Variants in DYM observed in about 807,000 individuals in gnomAD.
DYM encodes dyggve-Melchior-Clausen syndrome protein.
DYM carries 78 observed loss-of-function variants against 93.1 expected under a neutral mutation model. That is an observed-to-expected ratio of 0.84 (90% CI 0.70 to 1.01). The LOEUF (loss-of-function observed/expected upper bound fraction) is 1.01, where lower values mean the gene tolerates loss of function less well. Among genes scored for constraint, DYM ranks in the 50% least tolerant of loss-of-function variants. The probability of loss-of-function intolerance (pLI) is 0.00; values close to 1 mark genes in which losing one functional copy is unlikely to be tolerated. For synonymous variants in DYM, 321 were observed against 319.7 expected, an observed-to-expected ratio of 1.00 and a Z score of -0.04; for missense variants, 789 against 845.0, an observed-to-expected ratio of 0.93 and a Z score of 0.82.
At chr18:49,296,588 T>A (rs1157506342) in intron 8 of DYM, among the ~76,000 whole-genome samples, 1 of 152,002 alleles carries the variant, frequency 6.6e-6, no homozygotes, top group East Asian at 1.9e-4. Context: ...TACCTAAATG[T>A]CATGACTATT....
intron 1 of DYM, among the ~76,000 whole-genome samples, chr18:49,430,722 T>G (rs972127601): frequency 6.6e-6 from 1 of 151,882 alleles, no homozygotes; most frequent in African/African-American, 2.4e-5. Flanking sequence ...CCGTCTCTAC[T>G]AAAAATACAA....
At chr18:49,198,511 CA>C (rs2091697000) in intron 14 of DYM, among the ~76,000 whole-genome samples, 1 of 152,142 alleles carries the variant, frequency 6.6e-6, no homozygotes. Context: ...CCAAAATCTA[CA>C]AAGAACTCAA....
chr18:49,414,429 T>A (rs796263682), intron 2 of DYM, among the ~76,000 whole-genome samples: 12 of 152,288 alleles, frequency 7.9e-5, no homozygotes, highest in African/African-American at 2.9e-4. Flanking sequence ...TATTATAGGA[T>A]AGTTAGTAAA....
chr18:49,182,743 T>C (rs2090048271), intron 14 of DYM, among the ~76,000 whole-genome samples: 2 of 152,188 alleles, frequency 1.3e-5, no homozygotes, highest in African/African-American at 4.8e-5. Context: ...TGTTGGCTTA[T>C]TAGCTATAAT....
chr18:49,445,918 A>G (rs1308444020), intron 1 of DYM, among the ~76,000 whole-genome samples: 1 of 152,226 alleles, frequency 6.6e-6, no homozygotes, highest in Non-Finnish European at 1.5e-5. Context: ...TTATGTAGTC[A>G]TAATAATATA....
chr18:49,430,175 T>C (rs1222347480), intron 2 of DYM, 80 bp downstream of exon 2: 4 of 1,366,294 alleles, frequency 2.9e-6, no homozygotes, highest in African/African-American at 2.9e-5. Context: ...AGAACATTTC[T>C]AAATTTTTTT....
chr18:49,109,133 T>C (rs1293651077), intron 16 of DYM, among the ~76,000 whole-genome samples: 1 of 152,174 alleles, frequency 6.6e-6, no homozygotes, highest in African/African-American at 2.4e-5. Flanking sequence ...AGACAGCACA[T>C]AGTTAGGTCT....
intron 6 of DYM, among the ~76,000 whole-genome samples, chr18:49,350,482 C>T (rs560965147): frequency 3.8e-4 from 58 of 152,058 alleles, no homozygotes; most frequent in African/African-American, 1.2e-3. Flanking sequence ...CCAAGGTGGG[C>T]GGATCACGAG....
chr18:49,306,018 C>T (rs971432179), intron 8 of DYM, among the ~76,000 whole-genome samples: 4 of 152,176 alleles, frequency 2.6e-5, no homozygotes, highest in African/African-American at 9.7e-5. Flanking sequence ...ATAACTCACA[C>T]ATTAGAAAAT....
intron 6 of DYM, among the ~76,000 whole-genome samples, chr18:49,348,652 TAATCCCAGCA>T (rs2064830244): frequency 6.6e-6 from 1 of 151,988 alleles, no homozygotes; most frequent in African/African-American, 2.4e-5. Flanking sequence ...CTCACGCCTG[TAATCCCAGCA>T]CTTTGGGAGG....
At chr18:49,081,944 T>G (rs939420751) in intron 17 of DYM, among the ~76,000 whole-genome samples, 2 of 152,230 alleles carry the variant, frequency 1.3e-5, no homozygotes, top group African/African-American at 4.8e-5. Context: ...TGCACCCTCT[T>G]CATGAGAGTC....
At chr18:49,096,075 C>A (rs1461550030) in intron 17 of DYM, among the ~76,000 whole-genome samples, 1 of 152,154 alleles carries the variant, frequency 6.6e-6, no homozygotes, top group East Asian at 1.9e-4. Context: ...AACCAACCAA[C>A]AAACCAAGGT....
intron 2 of DYM, among the ~76,000 whole-genome samples, chr18:49,395,801 A>G (rs962846492): frequency 2.0e-4 from 30 of 152,342 alleles, no homozygotes; most frequent in African/African-American, 6.5e-4. Flanking sequence ...ATGCAGAGAA[A>G]GGGAAACTCT....
chr18:49,105,648 C>T (rs2080717169), intron 16 of DYM, among the ~76,000 whole-genome samples: 2 of 152,168 alleles, frequency 1.3e-5, no homozygotes, highest in African/African-American at 2.4e-5. Context: ...TTTATTTCTG[C>T]CTTCATTTCG....
chr18:49,446,787 A>G (rs1249930446), intron 1 of DYM, among the ~76,000 whole-genome samples: 1 of 152,218 alleles, frequency 6.6e-6, no homozygotes, highest in African/African-American at 2.4e-5. Flanking sequence ...AGCTGGGTGC[A>G]GTGGCTCACG....
chr18:49,159,873 A>G (rs1415747144), intron 15 of DYM, among the ~76,000 whole-genome samples: 1 of 152,210 alleles, frequency 6.6e-6, no homozygotes, highest in Non-Finnish European at 1.5e-5. Flanking sequence ...TACAGTAACA[A>G]TATTCCTCAT....
At chr18:49,248,838 G>A (rs2094224129) in intron 13 of DYM, among the ~76,000 whole-genome samples, 1 of 130,086 alleles carries the variant, frequency 7.7e-6, no homozygotes, top group African/African-American at 2.5e-5. Flanking sequence ...TCTTTTCCAG[G>A]ATAATTTCCA....
intron 11 of DYM, among the ~76,000 whole-genome samples, chr18:49,271,045 C>T (rs1404372017): frequency 7.2e-5 from 11 of 152,144 alleles, no homozygotes; most frequent in Admixed American, 7.2e-4. Flanking sequence ...TGCCCACACA[C>T]AGGACTTCCA....
At chr18:49,317,646 C>CTCCTTCCTTCCTTCCT (rs71297073) in intron 8 of DYM, among the ~76,000 whole-genome samples, 7 of 36,608 alleles carry the variant, frequency 1.9e-4, no homozygotes, top group African/African-American at 6.5e-4. Context: ...ATCCTCTCCT[C>CTCCTTCCTTCCTTCCT]TCCTTCCTTC....
Sources: allele counts gnomAD v4.1 joint callset (sites outside exome capture counted in the v4.1 genomes callset), GRCh38; gene constraint gnomAD v4.1.1; transcripts MANE v1.5; gene names NCBI Gene and HGNC (gene_info 2026-07-23, HGNC 2026-07-21).